FARS2: variants seen among roughly 807,000 people sequenced by gnomAD.
The protein encoded by FARS2 is phenylalanyl-tRNA synthetase 2, mitochondrial, also known as phenylalanine--tRNA ligase, mitochondrial.
A neutral mutation model predicts 46.4 loss-of-function variants in FARS2; 40 were observed. The observed-to-expected ratio is 0.86, with a 90% CI of 0.67 to 1.12. The LOEUF (loss-of-function observed/expected upper bound fraction) is 1.12. Ranked by LOEUF, FARS2 falls within the 50% of genes most tolerant of loss-of-function variation. The pLI, the probability that FARS2 is intolerant of heterozygous loss-of-function variation, is 0.00. For synonymous variants in FARS2, 234 were observed against 214.9 expected, an observed-to-expected ratio of 1.09 and a Z score of -0.78; for missense variants, 513 against 567.9, an observed-to-expected ratio of 0.90 and a Z score of 0.98.
intron 2 of FARS2, among the ~76,000 whole-genome samples, chr6:5,403,313 T>A (rs1013481369): frequency 1.3e-5 from 2 of 152,094 alleles, no homozygotes; most frequent in African/African-American, 4.8e-5. Flanking sequence ...CAAGGACTGG[T>A]TTACTTTTGT....
At chr6:5,733,830 G>C (rs1241229562) in intron 6 of FARS2, among the ~76,000 whole-genome samples, 2 of 152,200 alleles carry the variant, frequency 1.3e-5, no homozygotes, top group East Asian at 3.8e-4. Flanking sequence ...TCCCAGCCTA[G>C]TTCTTTGCTG....
intron 5 of FARS2, among the ~76,000 whole-genome samples, chr6:5,604,248 G>A (rs1416123073): frequency 6.6e-6 from 1 of 152,138 alleles, no homozygotes; most frequent in South Asian, 2.1e-4. Flanking sequence ...GTAGGATGGG[G>A]CAGATTCTGA....
intron 4 of FARS2, among the ~76,000 whole-genome samples, chr6:5,534,702 A>G (rs2150467600): frequency 6.6e-6 from 1 of 152,284 alleles, no homozygotes; most frequent in South Asian, 2.1e-4. Flanking sequence ...GACTATTGTG[A>G]ATAATGCTGT....
intron 4 of FARS2, among the ~76,000 whole-genome samples, chr6:5,445,558 ATTG>A (rs1764136233): frequency 6.6e-6 from 1 of 152,220 alleles, no homozygotes; most frequent in Non-Finnish European, 1.5e-5. Flanking sequence ...GTGATTCTTA[ATTG>A]GTATAATTCA....
chr6:5,359,916 G>C (rs1758194210), intron 1 of FARS2, among the ~76,000 whole-genome samples: 1 of 152,146 alleles, frequency 6.6e-6, no homozygotes, highest in Non-Finnish European at 1.5e-5. Flanking sequence ...GAATCAATCA[G>C]AAAAACATAC....
chr6:5,713,380 G>A (rs1261721453), intron 6 of FARS2, among the ~76,000 whole-genome samples: 1 of 152,146 alleles, frequency 6.6e-6, no homozygotes, highest in African/African-American at 2.4e-5. Context: ...TACTTATTTT[G>A]GCAAATGCTT....
At chr6:5,524,802 T>C (rs1769360347) in intron 4 of FARS2, among the ~76,000 whole-genome samples, 1 of 152,212 alleles carries the variant, frequency 6.6e-6, no homozygotes, top group Non-Finnish European at 1.5e-5. Flanking sequence ...TCTGTGCTCT[T>C]AACTCGTCTA....
At chr6:5,281,488 T>C (rs936615688) in intron 1 of FARS2, among the ~76,000 whole-genome samples, 2 of 152,196 alleles carry the variant, frequency 1.3e-5, no homozygotes, top group African/African-American at 4.8e-5. Context: ...TTTACCATTT[T>C]AGCCATTTTT....
intron 6 of FARS2, among the ~76,000 whole-genome samples, chr6:5,705,767 C>T (rs575933072): frequency 7.9e-5 from 12 of 152,156 alleles, no homozygotes; most frequent in African/African-American, 2.4e-4. Flanking sequence ...TCCCTCAGCT[C>T]GCGCCCCTGT....
intron 6 of FARS2, among the ~76,000 whole-genome samples, chr6:5,649,764 C>T (rs1186861971): frequency 2.6e-5 from 4 of 152,158 alleles, no homozygotes; most frequent in Non-Finnish European, 5.9e-5. Context: ...CCATGTGATT[C>T]TAGAGCCCGT....
At chr6:5,464,685 C>T (rs1330005591) in intron 4 of FARS2, among the ~76,000 whole-genome samples, 1 of 152,088 alleles carries the variant, frequency 6.6e-6, no homozygotes, top group East Asian at 1.9e-4. Context: ...ACAGTATTTT[C>T]CTATAACTGT....
chr6:5,490,263 T>C (rs1223627945), intron 4 of FARS2, among the ~76,000 whole-genome samples: 1 of 152,254 alleles, frequency 6.6e-6, no homozygotes, highest in African/African-American at 2.4e-5. Context: ...TTCTATTGTG[T>C]AGATATATCA....
chr6:5,737,567 C>A (rs909873565), intron 6 of FARS2, among the ~76,000 whole-genome samples: 4 of 152,170 alleles, frequency 2.6e-5, no homozygotes, highest in African/African-American at 4.8e-5. Context: ...GGAAGTGAGC[C>A]CCCTCCCTGC....
At position 5,305,728 on chromosome 6, in the gene FARS2, C is replaced by T. The variant is rs79642254; in HGVS notation, c.-22+44068C>T. Among the ~76,000 whole-genome samples, 415 of 152,262 alleles carry T rather than the reference C, an allele frequency of 2.7e-3. 1 individual carries two copies. Among genetic ancestry groups the T allele is most frequent in the African/African-American group, 9.2e-3 (383 of 41,550 alleles). On this transcript the variant is annotated intron_variant, in intron 1 of 6. Coordinates refer to ENST00000274680, the MANE Select transcript of FARS2 (RefSeq NM_006567.5). ...TCTACACCTTGTTGGGAGAACTTGG[C>T]GTACTTGTTTTGCTTGCCCCTCTCC...
At chr6:5,548,461 C>T (rs1771173081) in intron 5 of FARS2, among the ~76,000 whole-genome samples, 1 of 152,166 alleles carries the variant, frequency 6.6e-6, no homozygotes, top group African/African-American at 2.4e-5. Context: ...TTTATTTTAG[C>T]ATCAATTTCC....
intron 4 of FARS2, among the ~76,000 whole-genome samples, chr6:5,464,923 G>T (rs1169397954): frequency 6.6e-6 from 1 of 152,186 alleles, no homozygotes; most frequent in African/African-American, 2.4e-5. Flanking sequence ...CAGTGTCCTT[G>T]AAGAGAACAA....
At chr6:5,707,987 A>G (rs1164083511) in intron 6 of FARS2, among the ~76,000 whole-genome samples, 4 of 152,228 alleles carry the variant, frequency 2.6e-5, no homozygotes, top group African/African-American at 7.2e-5. Context: ...ACTGCCTCAC[A>G]GGGAAGGTGC....
At chr6:5,285,184 G>C (rs990603129) in intron 1 of FARS2, among the ~76,000 whole-genome samples, 16 of 152,214 alleles carry the variant, frequency 1.1e-4, no homozygotes, top group Admixed American at 6.5e-5. Flanking sequence ...ACAGGAGCCT[G>C]ATCTGTCTGA....
At chr6:5,371,283 G>T (rs1244878712) in intron 2 of FARS2, 1 of 560,812 alleles carries the variant, frequency 1.8e-6, no homozygotes, top group South Asian at 7.8e-5. Flanking sequence ...ATGTTTTTTC[G>T]TCTTTCAGTT....
Sources: gnomAD v4.1 joint callset for allele counts (sites outside exome capture counted in the v4.1 genomes callset) on GRCh38, gnomAD v4.1.1 for gene constraint, MANE v1.5 for transcripts, NCBI Gene and HGNC (gene_info 2026-07-23, HGNC 2026-07-21) for gene names.